Variants in CD28 observed in about 807,000 individuals in gnomAD.
The protein encoded by CD28 is CD28 molecule.
A neutral mutation model predicts 21.4 loss-of-function variants in CD28; 8 were observed. The observed-to-expected ratio is 0.37, with a 90% CI of 0.22 to 0.68. The LOEUF is 0.68. CD28 is among the 30% of genes least tolerant of loss of function. The pLI, the probability that CD28 is intolerant of heterozygous loss-of-function variation, is 0.55. For missense variants in CD28, 239 were observed against 272.2 expected (o/e 0.88, Z 0.86); for synonymous variants, 106 against 104.0 (o/e 1.02, Z -0.12).
chr2:203,736,769 T>C lies in CD28; in HGVS notation c.*1857T>C, dbSNP rs1429719266. ...GCAAGTCACTGCCCACCTAAGATGA[T>C]GGTTCTTCAACTATAAAATGGAGAT... On this transcript the variant is annotated 3_prime_UTR_variant, in exon 4 of 4. Transcript: ENST00000324106. 1 of 152,242 alleles carries C rather than the reference T, an allele frequency of 6.6e-6. No individual in the cohort carries two copies. Among genetic ancestry groups the C allele is most frequent in the Non-Finnish European group, 1.5e-5 (1 of 68,038 alleles). 9.4% of individuals were successfully genotyped at this position (152,242 alleles called of 1,614,324 possible).
intron 3 of CD28, among the ~76,000 whole-genome samples, chr2:203,730,509 C>T (rs538521757): frequency 6.6e-6 from 1 of 152,300 alleles, no homozygotes; most frequent in South Asian, 2.1e-4. Context: ...CTTGTTCTTA[C>T]TCAGAAACTT....
chr2:203,706,729 C>G lies in CD28; in HGVS notation c.33C>G (p.Phe11Leu). The G allele has an allele frequency of 6.2e-7, 1 of 1,613,388 alleles. No individual in the cohort carries two copies. The highest frequency in any genetic ancestry group is 8.5e-7 in the Non-Finnish European group (1 of 1,179,356). Residue 11 changes from phenylalanine to leucine, a missense_variant, in exon 1 of 4, where the codon TTC (phenylalanine) becomes TTG (leucine). This residue lies in a region of CD28 where 104 missense variants were observed against 108.5 expected (regional missense o/e 0.96). Coordinates refer to ENST00000324106, the MANE Select transcript of CD28 (RefSeq NM_006139.4). ...GGCTGCTCTTGGCTCTCAACTTATT[C>G]CCTTCAATTCAAGTAACAGGTAAAC... MLRLLLALNL[F>L]PSIQVTGNKI...
intron 3 of CD28, among the ~76,000 whole-genome samples, chr2:203,731,631 T>C (rs1252401283): frequency 6.6e-6 from 1 of 152,182 alleles, no homozygotes; most frequent in Non-Finnish European, 1.5e-5. Flanking sequence ...CATTAGAATG[T>C]CAGTTACTAT....
intron 3 of CD28, 35 bp downstream of exon 3, chr2:203,729,807 C>T: frequency 3.1e-6 from 5 of 1,604,408 alleles, no homozygotes. Context: ...TGTAACTTTT[C>T]CACTGCACAT....
upstream of CD28, chr2:203,706,565 G>T (rs767763807): frequency 1.2e-5 from 19 of 1,579,860 alleles, no homozygotes; most frequent in Middle Eastern, 1.7e-4. Flanking sequence ...GCCCTAAGGG[G>T]ATGGTGGCGG....
intron 1 of CD28, among the ~76,000 whole-genome samples, chr2:203,725,918 C>A (rs1693733702): frequency 6.6e-6 from 1 of 152,102 alleles, no homozygotes; most frequent in Admixed American, 6.5e-5. Flanking sequence ...AAAAACAAAT[C>A]TATTTGTAGG....
At chr2:203,710,015 T>C (rs962627305) in intron 1 of CD28, among the ~76,000 whole-genome samples, 2 of 152,248 alleles carry the variant, frequency 1.3e-5, no homozygotes, top group Non-Finnish European at 2.9e-5. Flanking sequence ...ATTTTATTTG[T>C]ACTCTAGTCT....
rs536115720 is a variant in CD28 at position 203,724,046 on chromosome 2, T to A, written c.53-2587T>A. Among the ~76,000 whole-genome samples the A allele has an allele frequency of 2.6e-5, 4 of 152,176 alleles. No homozygotes were observed. In the South Asian group the frequency reaches 8.3e-4, roughly 32 times the overall value. Reference sequence around the variant, plus strand: ...TATTATTTGGCCATGAAGAGTGAAGTTCTGGTGCATGCAACAACATGGATG... The same window carrying A: ...TATTATTTGGCCATGAAGAGTGAAGATCTGGTGCATGCAACAACATGGATG... On this transcript the variant is annotated intron_variant, in intron 1 of 3. Transcript: ENST00000324106.
chr2:203,713,583 G>T (rs1302037760), intron 1 of CD28, among the ~76,000 whole-genome samples: 2 of 152,098 alleles, frequency 1.3e-5, no homozygotes, highest in East Asian at 3.9e-4. Flanking sequence ...TGGCTGAAAC[G>T]CCACCTGGGA....
intron 1 of CD28, among the ~76,000 whole-genome samples, chr2:203,721,554 T>C (rs1693606092): frequency 6.6e-6 from 1 of 151,708 alleles, no homozygotes; most frequent in Non-Finnish European, 1.5e-5. Flanking sequence ...ACACACACTC[T>C]CCCACCTCAC....
rs1694089242 is a variant in CD28, at chr2:203,738,198, T to A, written c.*3286T>A. ...CCAACTTCAGCCTTGACCCCATCAG[T>A]CCCTCGGGTTAACTAACTGAGCCAC... On this transcript the variant is annotated 3_prime_UTR_variant, in exon 4 of 4. Coordinates refer to ENST00000324106, the MANE Select transcript of CD28 (RefSeq NM_006139.4). The A allele has an allele frequency of 6.6e-6, 1 of 152,134 alleles. No individual in the cohort carries two copies. Among genetic ancestry groups the A allele is most frequent in the African/African-American group, 2.4e-5 (1 of 41,420 alleles). 9.4% of individuals were successfully genotyped at this position (152,134 alleles called of 1,614,324 possible).
intron 2 of CD28, among the ~76,000 whole-genome samples, chr2:203,728,175 G>T (rs993582377): frequency 7.2e-5 from 11 of 152,180 alleles, no homozygotes; most frequent in African/African-American, 2.4e-4. Context: ...CATAAAATTT[G>T]CTATTAATCA....
chr2:203,729,680 G>C lies in CD28; in HGVS notation c.442G>C (p.Gly148Arg), dbSNP rs199956402. The change falls in exon 3 of 4, where the codon GGA (glycine) becomes CGA (arginine). Residue 148 changes from glycine (G) to arginine (R), a missense_variant. By Grantham distance (125) the Gly-to-Arg change is moderately radical. This residue lies in a region of CD28 where 112 missense variants were observed against 112.8 expected (regional missense o/e 0.99). Transcript: ENST00000324106. ...CCTTTGTCCAAGTCCCCTATTTCCC[G>C]GACCTTCTAAGCCCTTTTGGGTGCT... ...KHLCPSPLFP[G>R]PSKPFWVLVV... 3 of 1,613,906 alleles carry C rather than the reference G, an allele frequency of 1.9e-6. 1 individual carries two copies. The South Asian group carries it at 3.3e-5, about 18-fold the overall frequency.
intron 1 of CD28, among the ~76,000 whole-genome samples, chr2:203,723,630 A>T (rs1693664802): frequency 6.6e-6 from 1 of 152,264 alleles, no homozygotes; most frequent in Non-Finnish European, 1.5e-5. Flanking sequence ...GCTAATAAGC[A>T]CATGAAAAGA....
At chr2:203,727,920 G>A (rs962151555) in intron 2 of CD28, among the ~76,000 whole-genome samples, 29 of 152,074 alleles carry the variant, frequency 1.9e-4, no homozygotes, top group African/African-American at 6.5e-4. Context: ...CTCGTGACCC[G>A]CCCGTGTTGG....
intron 1 of CD28, among the ~76,000 whole-genome samples, chr2:203,711,608 A>G (rs1411270939): frequency 1.3e-5 from 2 of 152,082 alleles, no homozygotes; most frequent in Admixed American, 1.3e-4. Flanking sequence ...ATGGTTCCTG[A>G]TGGTATCATT....
chr2:203,730,482 C>A (rs927366331), intron 3 of CD28, among the ~76,000 whole-genome samples: 11 of 152,190 alleles, frequency 7.2e-5, no homozygotes, highest in Non-Finnish European at 1.5e-5. Flanking sequence ...CAGTTAAGAA[C>A]GTACCCCTGA....
At chr2:203,728,308 C>A (rs1693804955) in intron 2 of CD28, among the ~76,000 whole-genome samples, 1 of 152,102 alleles carries the variant, frequency 6.6e-6, no homozygotes, top group Non-Finnish European at 1.5e-5. Context: ...TTATGTTCTG[C>A]CTAAATGTTA....
intron 1 of CD28, among the ~76,000 whole-genome samples, chr2:203,717,997 A>T (rs958348577): frequency 6.6e-6 from 1 of 152,196 alleles, no homozygotes; most frequent in Non-Finnish European, 1.5e-5. Flanking sequence ...TCATTTTAAC[A>T]TGAATTTCTG....
Sources: allele counts gnomAD v4.1 joint callset (sites outside exome capture counted in the v4.1 genomes callset), GRCh38; gene constraint gnomAD v4.1.1; regional missense constraint gnomAD v4.1.1; transcripts MANE v1.5; gene names NCBI Gene and HGNC (gene_info 2026-07-23, HGNC 2026-07-21).